The following CHM variants were observed in gnomAD, a reference collection of about 807,000 sequenced individuals.
CHM encodes CHM Rab escort protein.
In CHM, 10 loss-of-function variants were observed where a neutral mutation model predicts 49.0. That is an observed-to-expected ratio of 0.20 (90% CI 0.13 to 0.35). The LOEUF (loss-of-function observed/expected upper bound fraction) is 0.35. CHM is among the 10% of genes least tolerant of loss of function. The pLI is 1.00. For synonymous variants in CHM, 184 were observed against 167.5 expected (o/e 1.10, Z -0.76); for missense variants, 455 against 478.4 (o/e 0.95, Z 0.46).
chrX:85,892,513 G>A (rs1048633999), intron 12 of CHM, among the ~76,000 whole-genome samples: 5 of 109,567 alleles, frequency 4.6e-5, no homozygotes, highest in African/African-American at 1.7e-4. Context: ...TCTTGCCACC[G>A]CCATGTTAAG....
At chrX:85,943,123 C>T (rs1487058935) in intron 8 of CHM, among the ~76,000 whole-genome samples, 1 of 109,548 alleles carries the variant, frequency 9.1e-6, no homozygotes, top group Admixed American at 9.8e-5. Flanking sequence ...AAGAAACTAC[C>T]ATCAGAGTGA....
At chrX:85,911,377 G>T (rs779684851) in intron 8 of CHM, 39 bp from the exon 9 acceptor site, 2 of 731,244 alleles carry the variant, frequency 2.7e-6, no homozygotes, top group East Asian at 4.7e-5. Context: ...AGGGTAATTG[G>T]GTTGAAAATA....
intron 4 of CHM, among the ~76,000 whole-genome samples, chrX:85,976,915 G>C (rs1031330171): frequency 4.0e-5 from 4 of 100,892 alleles, no homozygotes; most frequent in African/African-American, 1.1e-4. Context: ...CACACACACA[G>C]AAAGAAAATG....
chrX:86,008,372 C>T (rs1020201994), intron 2 of CHM, among the ~76,000 whole-genome samples: 2 of 110,369 alleles, frequency 1.8e-5, no homozygotes, highest in Non-Finnish European at 1.9e-5. Context: ...CAAACCTGCA[C>T]GTTGTGTACA....
chrX:86,007,780 G>GA (rs949891712), intron 2 of CHM, among the ~76,000 whole-genome samples: 3 of 112,306 alleles, frequency 2.7e-5, no homozygotes, highest in African/African-American at 9.7e-5. Context: ...AGGATGTGGA[G>GA]AAACAGGAAC....
intron 2 of CHM, among the ~76,000 whole-genome samples, chrX:86,023,402 C>G (rs1933683887): frequency 9.0e-6 from 1 of 110,891 alleles, no homozygotes; most frequent in South Asian, 3.8e-4. Context: ...ACTCCCAGCT[C>G]CAACCCCTAC....
At chrX:85,985,717 C>T (rs1931867737) in intron 2 of CHM, among the ~76,000 whole-genome samples, 1 of 112,653 alleles carries the variant, frequency 8.9e-6, no homozygotes, top group South Asian at 3.7e-4. Context: ...GAGGGGCAGG[C>T]CATCATCTTT....
intron 3 of CHM, among the ~76,000 whole-genome samples, chrX:85,980,405 T>C (rs1394243503): frequency 8.9e-6 from 1 of 112,485 alleles, no homozygotes; most frequent in Non-Finnish European, 1.9e-5. Flanking sequence ...CTTGTTTCTC[T>C]ATACTCATTT....
chrX:85,946,229 A>T (rs1929401434), intron 8 of CHM, among the ~76,000 whole-genome samples: 1 of 112,663 alleles, frequency 8.9e-6, no homozygotes, highest in African/African-American at 3.2e-5. Flanking sequence ...AGAAGAATCA[A>T]AGTGAGCTGC....
At chrX:85,892,876 A>G (rs1048085350) in intron 12 of CHM, among the ~76,000 whole-genome samples, 5 of 111,615 alleles carry the variant, frequency 4.5e-5, no homozygotes, top group Non-Finnish European at 9.4e-5. Flanking sequence ...CAGAACTCAC[A>G]TAACAATCTG....
At chrX:85,949,180 T>C (rs1040429494) in intron 8 of CHM, among the ~76,000 whole-genome samples, 3 of 112,199 alleles carry the variant, frequency 2.7e-5, no homozygotes, top group African/African-American at 9.7e-5. Flanking sequence ...TGGAGAAAAA[T>C]GTTTTCTTTG....
intron 2 of CHM, among the ~76,000 whole-genome samples, chrX:85,985,762 G>A (rs932248111): frequency 2.7e-5 from 3 of 112,274 alleles, no homozygotes; most frequent in Non-Finnish European, 3.8e-5. Flanking sequence ...ATACTTTGAG[G>A]TACTGGAAAA....
At chrX:85,999,691 G>A (rs749407776) in intron 2 of CHM, among the ~76,000 whole-genome samples, 9 of 111,541 alleles carry the variant, frequency 8.1e-5, no homozygotes, top group Non-Finnish European at 5.7e-5. Context: ...TAAATTTCAC[G>A]TGTCCGCAGC....
intron 2 of CHM, among the ~76,000 whole-genome samples, chrX:85,992,994 G>A (rs1932276991): frequency 9.0e-6 from 1 of 111,608 alleles, no homozygotes; most frequent in Non-Finnish European, 1.9e-5. Context: ...ATACACAAAG[G>A]TTGCCCTCAA....
intron 8 of CHM, among the ~76,000 whole-genome samples, chrX:85,936,999 G>C (rs897053117): frequency 1.8e-5 from 2 of 111,372 alleles, no homozygotes; most frequent in Non-Finnish European, 3.8e-5. Flanking sequence ...GGGTGCAGTG[G>C]CTCACGCCTG....
At chrX:85,938,811 G>GAT (rs937669631) in intron 8 of CHM, among the ~76,000 whole-genome samples, 3 of 110,283 alleles carry the variant, frequency 2.7e-5, no homozygotes, top group Non-Finnish European at 5.7e-5. Flanking sequence ...ATTTTAAGCT[G>GAT]ATATATGTGT....
intron 11 of CHM, 117 bp from the exon 12 acceptor site, chrX:85,894,401 AAAATATGGCTT>A (rs1286740426): frequency 1.9e-6 from 1 of 521,779 alleles, no homozygotes; most frequent in African/African-American, 2.3e-5. Flanking sequence ...ATGTCTGAAA[AAAATATGGCTT>A]GTAAGGATTT....
At chrX:85,878,479 CAA>C (rs1297925483) in intron 13 of CHM, among the ~76,000 whole-genome samples, 2 of 69,457 alleles carry the variant, frequency 2.9e-5, no homozygotes, top group African/African-American at 5.5e-5. Flanking sequence ...GACTCTGTCT[CAA>C]AAAAAAAAAA....
intron 8 of CHM, among the ~76,000 whole-genome samples, chrX:85,946,096 G>T: frequency 8.9e-6 from 1 of 112,540 alleles, no homozygotes; most frequent in Middle Eastern, 4.6e-3. Context: ...AATAGCCTAT[G>T]CTCAATGAGG....
Sources: gnomAD v4.1 joint callset for allele counts (sites outside exome capture counted in the v4.1 genomes callset) on GRCh38, gnomAD v4.1.1 for gene constraint, MANE v1.5 for transcripts, NCBI Gene and HGNC (gene_info 2026-07-23, HGNC 2026-07-21) for gene names.